Variants in EPHA4 observed in about 807,000 individuals in gnomAD.
EPHA4 encodes EPH receptor A4, also known as ephrin type-A receptor 4.
A neutral mutation model predicts 108.3 loss-of-function variants in EPHA4; 19 were observed. The ratio of observed to expected loss-of-function variants is 0.18; its 90% confidence interval spans 0.12 to 0.26. The LOEUF is 0.26. Ranked by LOEUF, EPHA4 falls within the 10% of genes least tolerant of loss-of-function variation. EPHA4 has a pLI of 1.00. For missense variants in EPHA4, 917 were observed against 1,254.0 expected, an observed-to-expected ratio of 0.73 and a Z score of 4.06; for synonymous variants, 449 against 455.5, an observed-to-expected ratio of 0.99 and a Z score of 0.18.
chr2:221,570,134 G>C (rs934227103), intron 1 of EPHA4, among the ~76,000 whole-genome samples: 3 of 152,116 alleles, frequency 2.0e-5, no homozygotes, highest in Non-Finnish European at 4.4e-5. Context: ...ACAAAAAAAG[G>C]AGGGAGTAGA....
At chr2:221,473,552 GAAAAAA>G (rs772366510) in intron 5 of EPHA4, among the ~76,000 whole-genome samples, 37 of 109,666 alleles carry the variant, frequency 3.4e-4, no homozygotes, top group Non-Finnish European at 5.5e-4. Context: ...GTGTTTAAAG[GAAAAAA>G]AAAAAAAAAA....
In EPHA4 at chr2:221,563,720, G is replaced by A. The variant is rs746656882; in HGVS notation, c.823+11C>T. ...GCCCCAGTGAAAAAACTGCAATATG[G>A]ACCCTCTTACCTTGGCATTCTCCGC... On this transcript the variant is annotated intron_variant, in intron 3 of 17. Transcript: ENST00000281821. 2 of 1,611,390 alleles carry A rather than the reference G, an allele frequency of 1.2e-6. No individual in the cohort carries two copies. Among genetic ancestry groups the A allele is most frequent in the South Asian group, 2.2e-5 (2 of 90,964 alleles).
chr2:221,449,712 C>G (rs3770179), intron 8 of EPHA4, among the ~76,000 whole-genome samples: 98,726 of 152,050 alleles, frequency 0.65, 32,887 homozygotes, highest in Non-Finnish European at 0.74. Context: ...AAAATAGAGA[C>G]GGGGAGCAAG....
chr2:221,466,189 CA>C (rs1194785486), intron 5 of EPHA4, among the ~76,000 whole-genome samples: 8 of 152,204 alleles, frequency 5.3e-5, no homozygotes, highest in Non-Finnish European at 1.2e-4. Flanking sequence ...AACACTGAGC[CA>C]AAAGATTCAG....
intron 8 of EPHA4, among the ~76,000 whole-genome samples, chr2:221,449,366 C>CA (rs1388392146): frequency 1.3e-5 from 2 of 152,298 alleles, no homozygotes; most frequent in African/African-American, 4.8e-5. Context: ...AGTCCTAACT[C>CA]AAAACTGACA....
intron 4 of EPHA4, among the ~76,000 whole-genome samples, chr2:221,486,769 A>AATAATG (rs1283693749): frequency 1.3e-5 from 2 of 148,310 alleles, no homozygotes; most frequent in African/African-American, 4.9e-5. Context: ...TAATAATAAT[A>AATAATG]ATAATAATTG....
intron 5 of EPHA4, among the ~76,000 whole-genome samples, chr2:221,473,954 C>A (rs999873449): frequency 2.6e-5 from 4 of 152,100 alleles, no homozygotes; most frequent in African/African-American, 7.2e-5. Context: ...AATGAACATG[C>A]ATATATCTTT....
intron 4 of EPHA4, among the ~76,000 whole-genome samples, chr2:221,485,161 C>A (rs1290441035): frequency 2.0e-5 from 3 of 152,072 alleles, no homozygotes; most frequent in African/African-American, 7.2e-5. Context: ...AATCAAGCAC[C>A]ACAGAAGCAA....
intron 13 of EPHA4, among the ~76,000 whole-genome samples, chr2:221,435,477 C>T (rs989737909): frequency 2.0e-5 from 3 of 151,948 alleles, no homozygotes; most frequent in Non-Finnish European, 4.4e-5. Flanking sequence ...ACCCCCCTGC[C>T]CCCCTCCAAA....
chr2:221,563,708 AACTGCAATATGG>A lies in EPHA4; in HGVS notation c.823+11_823+22del, dbSNP rs1327192307. 1.9e-6 allele frequency: 3 copies of A among 1,607,492 alleles called. No individual in the cohort carries two copies. The highest frequency in any genetic ancestry group is 2.6e-6 in the Non-Finnish European group (3 of 1,175,986). On this transcript the variant is annotated intron_variant, in intron 3 of 17. Coordinates refer to ENST00000281821, the MANE Select transcript of EPHA4 (RefSeq NM_004438.5). Reference sequence around the variant, plus strand: ...TACTCGCACTAAGCCCCAGTGAAAAAACTGCAATATGGACCCTCTTACCTTGGCATTCTCCGC... The same window carrying A: ...TACTCGCACTAAGCCCCAGTGAAAAAACCCTCTTACCTTGGCATTCTCCGC...
In EPHA4 at chr2:221,559,982, C is replaced by T. The variant is rs184979916; in HGVS notation, c.823+3749G>A. ...CACCATCCCCCTGCCCTCATCCTTC[C>T]TCTCCATTAGCATGTACTGCTGGGG... On this transcript the variant is annotated intron_variant, in intron 3 of 17. Coordinates refer to ENST00000281821, the MANE Select transcript of EPHA4 (RefSeq NM_004438.5). Among the ~76,000 whole-genome samples, 75 of 152,286 alleles carry T rather than the reference C, an allele frequency of 4.9e-4. 1 individual carries two copies. In the East Asian group the frequency reaches 0.011, roughly 22 times the overall value.
intron 5 of EPHA4, among the ~76,000 whole-genome samples, chr2:221,463,737 T>C (rs1691220128): frequency 6.6e-6 from 1 of 152,180 alleles, no homozygotes; most frequent in Non-Finnish European, 1.5e-5. Context: ...ATTAAACACC[T>C]ACAAGTCATT....
intron 5 of EPHA4, among the ~76,000 whole-genome samples, chr2:221,480,999 T>C (rs1410350074): frequency 6.6e-6 from 1 of 152,190 alleles, no homozygotes; most frequent in African/African-American, 2.4e-5. Context: ...ATAATCCTTT[T>C]CTGGCTATGT....
intron 5 of EPHA4, among the ~76,000 whole-genome samples, chr2:221,480,105 A>G (rs1272631619): frequency 7.3e-5 from 5 of 68,082 alleles, no homozygotes; most frequent in Non-Finnish European, 1.3e-4. Flanking sequence ...GGAGGATTTT[A>G]GTGTGTCTTC....
At chr2:221,480,169 C>G (rs1249218545) in intron 5 of EPHA4, among the ~76,000 whole-genome samples, 1 of 150,986 alleles carries the variant, frequency 6.6e-6, no homozygotes, top group African/African-American at 2.4e-5. Flanking sequence ...CTTCTTGGCT[C>G]AAATCCCTAC....
intron 3 of EPHA4, among the ~76,000 whole-genome samples, chr2:221,519,493 C>T (rs1204730261): frequency 6.6e-6 from 1 of 152,204 alleles, no homozygotes; most frequent in East Asian, 1.9e-4. Context: ...GGGCAATTAA[C>T]AGTGAGAAAA....
At chr2:221,460,986 C>G (rs956532359) in intron 5 of EPHA4, among the ~76,000 whole-genome samples, 1 of 152,110 alleles carries the variant, frequency 6.6e-6, no homozygotes, top group Non-Finnish European at 1.5e-5. Context: ...ATCAATGAAA[C>G]CCTATAATTA....
At chr2:221,526,485 A>T (rs1038906272) in intron 3 of EPHA4, among the ~76,000 whole-genome samples, 3 of 151,724 alleles carry the variant, frequency 2.0e-5, no homozygotes, top group Non-Finnish European at 4.4e-5. Flanking sequence ...CCTGATATAC[A>T]CGTCTCAAAG....
chr2:221,446,254 A>G (rs1026489013), intron 8 of EPHA4, 73 bp from the exon 9 acceptor site: 18 of 891,242 alleles, frequency 2.0e-5, no homozygotes, highest in Admixed American at 3.1e-5. Context: ...CATAAGACAA[A>G]TTCTTTGCTA....
Sources: allele counts gnomAD v4.1 joint callset (sites outside exome capture counted in the v4.1 genomes callset), GRCh38; gene constraint gnomAD v4.1.1; transcripts MANE v1.5; gene names NCBI Gene and HGNC (gene_info 2026-07-23, HGNC 2026-07-21).